The following SHROOM3 variants were observed in gnomAD, a reference collection of about 807,000 sequenced individuals.
SHROOM3 encodes shroom family member 3.
SHROOM3 carries 47 observed loss-of-function variants against 138.6 expected under a neutral mutation model. That is an observed-to-expected ratio of 0.34 (90% confidence interval 0.27 to 0.43). The LOEUF (loss-of-function observed/expected upper bound fraction) is 0.43. SHROOM3 is among the 20% of genes least tolerant of loss of function. SHROOM3 has a pLI of 1.00. For synonymous variants in SHROOM3, 1,062 were observed against 1,063.3 expected (o/e 1.00, Z 0.02); for missense variants, 2,491 against 2,596.5 (o/e 0.96, Z 0.88).
intron 2 of SHROOM3, among the ~76,000 whole-genome samples, chr4:76,586,623 G>C (rs955396861): frequency 6.6e-6 from 1 of 152,224 alleles, no homozygotes; most frequent in African/African-American, 2.4e-5. Flanking sequence ...TGGGCTGTCA[G>C]ATATGCTGAC....
At chr4:76,778,408 G>A (rs1190304506) in intron 10 of SHROOM3, among the ~76,000 whole-genome samples, 5 of 152,004 alleles carry the variant, frequency 3.3e-5, no homozygotes, top group Admixed American at 3.3e-4. Flanking sequence ...TTTTAGTAGA[G>A]ACGGGGTTTC....
chr4:76,666,053 C>T (rs1008360000), intron 2 of SHROOM3, among the ~76,000 whole-genome samples: 3 of 152,150 alleles, frequency 2.0e-5, no homozygotes, highest in East Asian at 1.9e-4. Context: ...ACCCTTAGGA[C>T]CCCTATGGAT....
Position 76,779,311 on chromosome 4 carries a change from C to A in SHROOM3, c.*134C>A. ...TGTTCCTGATGAAAGGAAAAAAATT[C>A]TCTCCAGGAGGAAGCCTTTTTCCTT... is the stretch of plus-strand genomic sequence containing the variant. On this transcript the variant is annotated 3_prime_UTR_variant, in exon 11 of 11. Transcript: ENST00000296043. The A allele has an allele frequency of 7.9e-7, 1 of 1,270,568 alleles. No individual in the cohort carries two copies. Among genetic ancestry groups the A allele is most frequent in the South Asian group, 1.5e-5 (1 of 64,682 alleles). The allele number at this position is 1,270,568 out of a possible 1,614,324, so 78.7% of individuals were successfully genotyped here. A position where few individuals can be genotyped will look rare whatever the true frequency, so the allele number is the denominator to read the frequency against.
intron 9 of SHROOM3, among the ~76,000 whole-genome samples, chr4:76,766,509 C>G (rs1377795820): frequency 6.6e-6 from 1 of 152,174 alleles, no homozygotes; most frequent in Non-Finnish European, 1.5e-5. Flanking sequence ...ACAGGGTGAG[C>G]TAACAGTTTA....
chr4:76,565,575 TG>T (rs1458849858), intron 2 of SHROOM3, among the ~76,000 whole-genome samples: 1 of 152,186 alleles, frequency 6.6e-6, no homozygotes, highest in Non-Finnish European at 1.5e-5. Flanking sequence ...CTTGACCTTC[TG>T]GGATCAAGTG....
At chr4:76,637,969 C>T (rs747794069) in intron 2 of SHROOM3, among the ~76,000 whole-genome samples, 13 of 152,040 alleles carry the variant, frequency 8.6e-5, no homozygotes, top group Non-Finnish European at 1.8e-4. Context: ...TTGGTAGCTC[C>T]GGGGAAGTAG....
chr4:76,585,335 C>T (rs891422310), intron 2 of SHROOM3, among the ~76,000 whole-genome samples: 4 of 152,106 alleles, frequency 2.6e-5, no homozygotes, highest in Non-Finnish European at 5.9e-5. Context: ...ATCATGATGG[C>T]TCTAAGGAAA....
At chr4:76,580,143 T>C (rs1270402178) in intron 2 of SHROOM3, among the ~76,000 whole-genome samples, 2 of 152,236 alleles carry the variant, frequency 1.3e-5, no homozygotes, top group Non-Finnish European at 1.5e-5. Flanking sequence ...GGTTTTATTA[T>C]ACCAAATTAT....
chr4:76,448,258 A>G (rs115841715), intron 1 of SHROOM3, among the ~76,000 whole-genome samples: 180 of 152,314 alleles, frequency 1.2e-3, no homozygotes, highest in African/African-American at 4.0e-3. Context: ...TAGTCAACAC[A>G]TCATTTATTG....
chr4:76,667,943 G>A (rs986581739), intron 2 of SHROOM3, among the ~76,000 whole-genome samples: 1 of 125,240 alleles, frequency 8.0e-6, no homozygotes, highest in Non-Finnish European at 1.6e-5. Context: ...CTCCAGCCTG[G>A]GCGACAGAAG....
chr4:76,517,812 A>G (rs1732474145), intron 1 of SHROOM3, among the ~76,000 whole-genome samples: 1 of 152,094 alleles, frequency 6.6e-6, no homozygotes, highest in Non-Finnish European at 1.5e-5. Flanking sequence ...TTACCATGTG[A>G]CCTTGGACCA....
At chr4:76,699,297 C>T (rs778225470) in intron 2 of SHROOM3, among the ~76,000 whole-genome samples, 5 of 152,198 alleles carry the variant, frequency 3.3e-5, no homozygotes, top group Admixed American at 6.5e-5. Context: ...GCATGTAGAA[C>T]ATGCTCATCC....
intron 2 of SHROOM3, among the ~76,000 whole-genome samples, chr4:76,633,147 A>G (rs902453169): frequency 1.3e-5 from 2 of 150,038 alleles, no homozygotes; most frequent in Non-Finnish European, 3.0e-5. Flanking sequence ...GAGGCGGGGG[A>G]ATCTCTTGAG....
chr4:76,729,982 T>C (rs1720826792), intron 3 of SHROOM3, among the ~76,000 whole-genome samples: 1 of 152,188 alleles, frequency 6.6e-6, no homozygotes, highest in Admixed American at 6.5e-5. Context: ...AGTCTTACAG[T>C]TCAAGAATTT....
chr4:76,440,692 G>A (rs1310725758), intron 1 of SHROOM3, among the ~76,000 whole-genome samples: 1 of 152,086 alleles, frequency 6.6e-6, no homozygotes, highest in East Asian at 1.9e-4. Context: ...AGAATTTAAA[G>A]GTAGGCCACT....
Position 76,602,478 on chromosome 4 carries a change from A to AT in SHROOM3, c.323+46725dup, listed in dbSNP as rs1050335084. On this transcript the variant is annotated intron_variant, in intron 2 of 10. Transcript: ENST00000296043. ...ATACAGCCATATGTTAATTTTCTTG[A>AT]TTTTTTTTTTCGTTAGAATTCTTTT... 3.8e-3 allele frequency among the ~76,000 whole-genome samples: 565 copies of AT among 150,064 alleles called. 3 individuals are homozygous for AT. The highest frequency in any genetic ancestry group is 0.017 in the Middle Eastern group (5 of 290).
chr4:76,754,402 A>G lies in SHROOM3; in HGVS notation c.3919A>G (p.Ile1307Val). 6.2e-7 allele frequency: 1 copy of G among 1,614,126 alleles called. No individual in the cohort carries two copies. The highest frequency in any genetic ancestry group is 8.5e-7 in the Non-Finnish European group (1 of 1,180,022). ...TTGGGGTGGTTCAGGCTGCAAAGCC[A>G]TTGGTGATTCCTCCGTTCCTAGTGA... The part of the protein sequence containing the change: ...PRWGGSGCKA[I>V]GDSSVPSECP... The change falls in exon 7 of 11, where the codon ATT becomes GTT. Residue 1307 changes from isoleucine to valine, a missense_variant. Physicochemically the swap from Ile to Val is conservative, Grantham distance 29. Coordinates refer to ENST00000296043, the MANE Select transcript of SHROOM3 (RefSeq NM_020859.4).
intron 1 of SHROOM3, among the ~76,000 whole-genome samples, chr4:76,483,940 A>G (rs1188112913): frequency 7.0e-6 from 1 of 141,996 alleles, no homozygotes; most frequent in East Asian, 2.3e-4. Flanking sequence ...GGAGTTGAAC[A>G]GTGAGAACAT....
intron 3 of SHROOM3, among the ~76,000 whole-genome samples, chr4:76,719,975 C>T (rs937035472): frequency 2.0e-5 from 3 of 152,004 alleles, no homozygotes; most frequent in African/African-American, 4.8e-5. Context: ...ACCAAAAGTC[C>T]CCAGGACATA....
Sources: gnomAD v4.1 joint callset for allele counts (sites outside exome capture counted in the v4.1 genomes callset) on GRCh38, gnomAD v4.1.1 for gene constraint, MANE v1.5 for transcripts, NCBI Gene and HGNC (gene_info 2026-07-23, HGNC 2026-07-21) for gene names.